Variants in UBAC2 observed in about 807,000 individuals in gnomAD.
UBAC2 encodes the protein UBA domain containing 2.
In UBAC2, 26 loss-of-function variants were observed where a neutral mutation model predicts 44.0. That is an observed-to-expected ratio of 0.59 (90% CI 0.43 to 0.82). The LOEUF (loss-of-function observed/expected upper bound fraction) is 0.82. Ranked by LOEUF, UBAC2 falls within the 40% of genes least tolerant of loss-of-function variation. UBAC2 has a pLI of 0.00. For synonymous variants in UBAC2, 155 were observed against 154.3 expected (o/e 1.00, Z -0.04); for missense variants, 329 against 419.4 (o/e 0.78, Z 1.88).
At chr13:99,309,922 TAGA>T (rs767669752) in intron 4 of UBAC2, among the ~76,000 whole-genome samples, 1 of 152,246 alleles carries the variant, frequency 6.6e-6, no homozygotes, top group African/African-American at 2.4e-5. Context: ...ACCTTTTCTA[TAGA>T]AGAAGTGAAA....
chr13:99,368,033 C>CA (rs2045354780), intron 8 of UBAC2, 127 bp downstream of exon 8: 3 of 1,188,514 alleles, frequency 2.5e-6, no homozygotes, highest in Non-Finnish European at 3.5e-6. Context: ...GTCCATCTGC[C>CA]ACCATGATAG....
intron 6 of UBAC2, among the ~76,000 whole-genome samples, chr13:99,334,607 C>T (rs2044761299): frequency 6.6e-6 from 1 of 151,886 alleles, no homozygotes; most frequent in African/African-American, 2.4e-5. Context: ...ATTTTGAATG[C>T]ATATTATAAC....
chr13:99,374,939 C>G (rs1361343286), intron 8 of UBAC2, among the ~76,000 whole-genome samples: 4 of 152,198 alleles, frequency 2.6e-5, no homozygotes, highest in South Asian at 2.1e-4. Context: ...TTTCAGAACT[C>G]TTGTTTTCAC....
At chr13:99,206,771 GCTACCT>G (rs1566445890) in intron 1 of UBAC2, among the ~76,000 whole-genome samples, 1 of 152,130 alleles carries the variant, frequency 6.6e-6, no homozygotes, top group East Asian at 1.9e-4. Flanking sequence ...ATCTCCCTAT[GCTACCT>G]CTATTTTGTC....
At chr13:99,303,111 C>T (rs1365181218) in intron 4 of UBAC2, among the ~76,000 whole-genome samples, 1 of 152,148 alleles carries the variant, frequency 6.6e-6, no homozygotes, top group Non-Finnish European at 1.5e-5. Context: ...GCCTGCCAAC[C>T]CCATTGCATA....
chr13:99,264,253 C>T (rs958398525), intron 4 of UBAC2, among the ~76,000 whole-genome samples: 1 of 152,172 alleles, frequency 6.6e-6, no homozygotes, highest in Non-Finnish European at 1.5e-5. Context: ...TCCTCTTGGC[C>T]TAAATCTCCC....
intron 1 of UBAC2, among the ~76,000 whole-genome samples, chr13:99,234,183 T>C (rs896833270): frequency 7.9e-6 from 1 of 125,898 alleles, no homozygotes; most frequent in Non-Finnish European, 1.7e-5. Flanking sequence ...TTTTTTTTTT[T>C]TTTTTTTTTT....
rs781407366 is a variant in UBAC2 at position 99,340,445 on chromosome 13, C to T, written c.687C>T (p.Ser229=). ...EPIFSSSEPT[S]EARIGMGATL... Reference sequence around the variant, plus strand: ...TCTTCTCTTCTTCAGAACCCACCAGCGAAGCCAGAATTGGGATGGGAGCCA... The same window carrying T: ...TCTTCTCTTCTTCAGAACCCACCAGTGAAGCCAGAATTGGGATGGGAGCCA... The change falls in exon 7 of 9, where the codon AGC becomes AGT. Residue 229 remains serine, a synonymous_variant. Transcript: ENST00000403766. 1.8e-4 allele frequency: 287 copies of T among 1,614,074 alleles called. No homozygotes were observed. Among genetic ancestry groups the T allele is most frequent in the Non-Finnish European group, 2.2e-4 (256 of 1,180,044 alleles).
chr13:99,226,018 CAT>C (rs1283532234), intron 1 of UBAC2, among the ~76,000 whole-genome samples: 1 of 152,148 alleles, frequency 6.6e-6, no homozygotes, highest in African/African-American at 2.4e-5. Flanking sequence ...GAGCACAGCA[CAT>C]GTTTAGTTGA....
intron 8 of UBAC2, among the ~76,000 whole-genome samples, chr13:99,368,110 G>C (rs2045355831): frequency 6.6e-6 from 1 of 152,090 alleles, no homozygotes; most frequent in Admixed American, 6.6e-5. Flanking sequence ...TTGGTTGGGG[G>C]GCGGCGGGTG....
intron 4 of UBAC2, among the ~76,000 whole-genome samples, chr13:99,270,568 A>C (rs1392544584): frequency 6.6e-6 from 1 of 152,244 alleles, no homozygotes; most frequent in Non-Finnish European, 1.5e-5. Flanking sequence ...ATCAACAACA[A>C]GTAGAATATT....
intron 1 of UBAC2, among the ~76,000 whole-genome samples, chr13:99,208,155 G>A (rs1440525981): frequency 1.3e-5 from 2 of 151,860 alleles, no homozygotes; most frequent in Admixed American, 6.6e-5. Flanking sequence ...GTACCACCAC[G>A]CCTGGCTAAT....
In UBAC2 at chr13:99,277,824, G is replaced by C. The variant is rs377433575; in HGVS notation, c.389+33200G>C. 1.4e-3 allele frequency among the ~76,000 whole-genome samples: 206 copies of C among 152,214 alleles called. 2 individuals carry two copies. The highest frequency in any genetic ancestry group is 4.9e-3 in the African/African-American group (202 of 41,536). On this transcript the variant is annotated intron_variant, in intron 4 of 8. Coordinates refer to ENST00000403766, the MANE Select transcript of UBAC2 (RefSeq NM_001144072.2). ...CCATCCCCTCTGTCACCACCCGCAA[G>C]CCTCATCAAGCCTCTAATCTGGAGG...
At position 99,238,471 on chromosome 13, in the gene UBAC2, C is replaced by G. The variant is rs147851454; in HGVS notation, c.76C>G (p.Leu26Val). Residue 26 changes from leucine to valine, a missense_variant, in exon 2 of 9, where the codon CTC becomes GTC. Transcript: ENST00000403766. ...SKSLLLVPSA[L>V]SLLLALLLPH... ...GAGCCTTCTGCTGGTCCCCAGTGCC[C>G]TCTCCCTCCTGCTCGCCCTCCTCCT... 9.9e-5 allele frequency: 159 copies of G among 1,613,918 alleles called. 1 individual carries two copies. Among genetic ancestry groups the G allele is most frequent in the Non-Finnish European group, 1.3e-4 (154 of 1,179,900 alleles).
chr13:99,258,807 T>C (rs1210087028), intron 4 of UBAC2, among the ~76,000 whole-genome samples: 4 of 152,206 alleles, frequency 2.6e-5, no homozygotes, highest in Non-Finnish European at 4.4e-5. Context: ...ACCTGGCACT[T>C]AGTAGGTACT....
chr13:99,242,630 G>GC (rs2043322967), intron 2 of UBAC2, among the ~76,000 whole-genome samples: 8 of 17,192 alleles, frequency 4.7e-4, no homozygotes, highest in African/African-American at 1.2e-3. Flanking sequence ...GCCAGGCGGG[G>GC]GGCTGACCCC....
At chr13:99,215,510 TA>T in intron 1 of UBAC2, 1 of 1,464,672 alleles carries the variant, frequency 6.8e-7, no homozygotes, top group Non-Finnish European at 9.6e-7. Context: ...TGACGAGGGG[TA>T]ATATACACTT....
chr13:99,221,424 C>G (rs1285372565), intron 1 of UBAC2, among the ~76,000 whole-genome samples: 1 of 152,222 alleles, frequency 6.6e-6, no homozygotes, highest in Non-Finnish European at 1.5e-5. Context: ...AACCGTGGCA[C>G]TATATGGCAG....
chr13:99,316,425 G>C (rs956763441), intron 5 of UBAC2, among the ~76,000 whole-genome samples: 18 of 152,144 alleles, frequency 1.2e-4, no homozygotes, highest in African/African-American at 2.9e-4. Flanking sequence ...ATGGATGAAT[G>C]AATGAATGAA....
Sources: allele counts gnomAD v4.1 joint callset (sites outside exome capture counted in the v4.1 genomes callset), GRCh38; gene constraint gnomAD v4.1.1; transcripts MANE v1.5; gene names NCBI Gene and HGNC (gene_info 2026-07-23, HGNC 2026-07-21).